The following FBXO34 variants were observed in gnomAD, a reference collection of about 807,000 sequenced individuals.
FBXO34 encodes F-box protein 34.
A neutral mutation model predicts 24.5 loss-of-function variants in FBXO34; 12 were observed. The observed-to-expected ratio is 0.49, with a 90% CI of 0.31 to 0.79. The LOEUF (loss-of-function observed/expected upper bound fraction) is 0.79. FBXO34 is among the 30% of genes least tolerant of loss of function. The pLI is 0.04. For missense variants in FBXO34, 823 were observed against 857.7 expected (o/e 0.96, Z 0.51); for synonymous variants, 320 against 311.9 (o/e 1.03, Z -0.27).
At chr14:55,393,180 G>A in the FBXO34 span, among the ~76,000 whole-genome samples, 1 of 152,014 alleles carries the variant, frequency 6.6e-6, no homozygotes, top group Admixed American at 6.6e-5. Flanking sequence ...AGGAGATTGA[G>A]ACCATCCTGG....
At position 55,350,471 on chromosome 14, in the gene FBXO34, G is replaced by C; in HGVS notation, c.81G>C (p.Met27Ile). Residue 27 changes from methionine to isoleucine, a missense_variant, in exon 2 of 2, where the codon ATG becomes ATC. Physicochemically the swap from Met to Ile is conservative, Grantham distance 10 (BLOSUM62 1). Coordinates refer to ENST00000313833, the MANE Select transcript of FBXO34 (RefSeq NM_017943.4). ...GCAGGGAAACGCAGAGAACTCCTATGAACCACCAAAAGGCTGTAAATGATG... is the reference window on the plus strand; with the variant it reads ...GCAGGGAAACGCAGAGAACTCCTATCAACCACCAAAAGGCTGTAAATGATG... ...EVSRETQRTP[M>I]NHQKAVNDET... is the part of the protein sequence containing the mutation. 1.2e-6 allele frequency: 2 copies of C among 1,613,578 alleles called. No individual in the cohort carries two copies. The highest frequency in any genetic ancestry group is 1.7e-6 in the Non-Finnish European group (2 of 1,179,862).
chr14:55,364,696 T>C (rs1000407011), downstream of FBXO34, among the ~76,000 whole-genome samples: 2 of 151,132 alleles, frequency 1.3e-5, no homozygotes, highest in African/African-American at 4.9e-5. Context: ...CCCAAAGTGC[T>C]GGGACTACAG....
downstream of FBXO34, among the ~76,000 whole-genome samples, chr14:55,374,704 T>C (rs1319417918): frequency 6.6e-6 from 1 of 152,196 alleles, no homozygotes; most frequent in Admixed American, 6.6e-5. Flanking sequence ...TTTTTGTATA[T>C]AGAATGTGGT....
intron 1 of FBXO34, among the ~76,000 whole-genome samples, chr14:55,282,135 T>C (rs1179312418): frequency 6.6e-6 from 1 of 151,688 alleles, no homozygotes; most frequent in East Asian, 1.9e-4. Context: ...CAGCTGGGAC[T>C]ACAGGCGCAT....
the FBXO34 span, among the ~76,000 whole-genome samples, chr14:55,383,587 AC>A: frequency 1.3e-4 from 20 of 151,230 alleles, no homozygotes; most frequent in East Asian, 1.2e-3. Flanking sequence ...AACAACAACA[AC>A]AAAAAAAACC....
the FBXO34 span, among the ~76,000 whole-genome samples, chr14:55,431,206 C>T: frequency 0.3 from 45,668 of 152,054 alleles, 9,397 homozygotes; most frequent in African/African-American, 0.6. Context: ...TAAATTCTCA[C>T]AACTCACTAT....
At chr14:55,273,849 A>G (rs1881244958) in intron 1 of FBXO34, among the ~76,000 whole-genome samples, 1 of 152,174 alleles carries the variant, frequency 6.6e-6, no homozygotes, top group South Asian at 2.1e-4. Flanking sequence ...TCTGTCACCC[A>G]GGCTGGAGTG....
chr14:55,315,457 C>G (rs554625105), intron 1 of FBXO34, among the ~76,000 whole-genome samples: 1 of 152,260 alleles, frequency 6.6e-6, no homozygotes, highest in African/African-American at 2.4e-5. Context: ...ATTGGATTAC[C>G]TGTTTTTTAG....
chr14:55,385,818 AC>A, the FBXO34 span: 2 of 1,493,628 alleles, frequency 1.3e-6, no homozygotes, highest in Non-Finnish European at 1.8e-6. Context: ...AGTATTTGGA[AC>A]TTGATCTATT....
the FBXO34 span, among the ~76,000 whole-genome samples, chr14:55,385,428 G>A: frequency 3.7e-3 from 559 of 152,336 alleles, 6 homozygotes; most frequent in African/African-American, 0.013. Flanking sequence ...GAGTAGCTGG[G>A]ACTACAGGCA....
At chr14:55,388,697 A>C in the FBXO34 span, among the ~76,000 whole-genome samples, 1 of 152,186 alleles carries the variant, frequency 6.6e-6, no homozygotes, top group African/African-American at 2.4e-5. Context: ...CAACAACAAC[A>C]AGCTCTTAAG....
In FBXO34 at chr14:55,352,484, C is replaced by T; in HGVS notation, c.2094C>T (p.Ile698=). ...VPACHSFNRA[I]HKKAKGTEAE... is the part of the protein sequence containing the mutation. ...CCTGCCACAGCTTTAATCGGGCAATCCATAAGAAAGCAAAAGGGACTGAAG... is the reference window on the plus strand; with the variant it reads ...CCTGCCACAGCTTTAATCGGGCAATTCATAAGAAAGCAAAAGGGACTGAAG... The change falls in exon 2 of 2, where the codon ATC becomes ATT. Residue 698 remains isoleucine (I), a synonymous_variant. Coordinates refer to ENST00000313833, the MANE Select transcript of FBXO34 (RefSeq NM_017943.4). The T allele has an allele frequency of 1.2e-6, 2 of 1,612,686 alleles. No homozygotes were observed. Among genetic ancestry groups the T allele is most frequent in the Non-Finnish European group, 8.5e-7 (1 of 1,179,358 alleles).
chr14:55,406,006 G>C, the FBXO34 span, among the ~76,000 whole-genome samples: 6 of 152,166 alleles, frequency 3.9e-5, no homozygotes, highest in Admixed American at 2.0e-4. Context: ...AAGTTGTAGG[G>C]AAGTCTTCCC....
exon 3 of FBXO34, chr14:55,367,557 A>T (rs1884708216): frequency 6.6e-6 from 1 of 152,250 alleles, no homozygotes; most frequent in South Asian, 2.1e-4. Context: ...AGCCTGGCCA[A>T]CATGGTGAAA....
the FBXO34 span, chr14:55,385,719 T>C: frequency 3.7e-6 from 3 of 818,732 alleles, no homozygotes; most frequent in South Asian, 1.9e-5. Context: ...TACTGTTTGT[T>C]GAAACAGATA....
chr14:55,384,497 G>A, the FBXO34 span, among the ~76,000 whole-genome samples: 3,026 of 152,274 alleles, frequency 0.02, 79 homozygotes, highest in African/African-American at 0.069. Flanking sequence ...ATCACACATT[G>A]CACTCAGCTG....
chr14:55,413,914 T>G, the FBXO34 span: 2 of 464,464 alleles, frequency 4.3e-6, no homozygotes, highest in South Asian at 3.4e-5. Context: ...CACTCCTTTT[T>G]GAAAAGCAGC....
intron 1 of FBXO34, among the ~76,000 whole-genome samples, chr14:55,323,748 A>G (rs1270104252): frequency 6.6e-6 from 1 of 152,148 alleles, no homozygotes; most frequent in Non-Finnish European, 1.5e-5. Flanking sequence ...CAATTTATTC[A>G]AACATCTTGC....
At chr14:55,423,642 T>C in the FBXO34 span, among the ~76,000 whole-genome samples, 1 of 152,236 alleles carries the variant, frequency 6.6e-6, no homozygotes, top group East Asian at 1.9e-4. Context: ...GAAAAAATAT[T>C]ACATAACACA....
Sources: gnomAD v4.1 joint callset for allele counts (sites outside exome capture counted in the v4.1 genomes callset) on GRCh38, gnomAD v4.1.1 for gene constraint, MANE v1.5 for transcripts, NCBI Gene and HGNC (gene_info 2026-07-23, HGNC 2026-07-21) for gene names.